Variants in TENM2 observed in about 807,000 individuals in gnomAD.
The protein encoded by TENM2 is teneurin transmembrane protein 2, also known as teneurin-2.
In TENM2, 52 loss-of-function variants were observed where a neutral mutation model predicts 245.2. That is an observed-to-expected ratio of 0.21 (90% CI 0.17 to 0.27). TENM2 has a LOEUF of 0.27. TENM2 is among the 10% of genes least tolerant of loss of function. The pLI is 1.00. For synonymous variants in TENM2, 1,363 were observed against 1,438.9 expected (o/e 0.95, Z 1.19); for missense variants, 3,046 against 3,666.8 (o/e 0.83, Z 4.37).
At chr5:167,347,160 G>A (rs1758513225) in intron 1 of TENM2, among the ~76,000 whole-genome samples, 1 of 151,840 alleles carries the variant, frequency 6.6e-6, no homozygotes, top group African/African-American at 2.4e-5. Flanking sequence ...AAAAACCTGT[G>A]TATAAAAAGA....
chr5:167,762,670 AT>A (rs1371995000), intron 2 of TENM2, among the ~76,000 whole-genome samples: 1 of 152,232 alleles, frequency 6.6e-6, no homozygotes, highest in Non-Finnish European at 1.5e-5. Flanking sequence ...TCTTTTACAG[AT>A]TTACCACCAC....
At chr5:167,313,144 G>A (rs1365482719) in intron 1 of TENM2, among the ~76,000 whole-genome samples, 2 of 151,946 alleles carry the variant, frequency 1.3e-5, no homozygotes, top group Non-Finnish European at 2.9e-5. Flanking sequence ...CTCAAGTGAT[G>A]CATCCTCCTT....
rs1775223825 is a variant in TENM2 at position 167,583,282 on chromosome 5, A to AATC, written c.502+207810_502+207812dup. The stretch of plus-strand genomic sequence containing the variant: ...ATTAATATCGCTCACACTTGGAACT[A>AATC]ATCTATCAATAAGCTATTCCCATAT... On this transcript the variant is annotated intron_variant, in intron 2 of 28. Coordinates refer to ENST00000518659, the Ensembl canonical transcript of TENM2. Among the ~76,000 whole-genome samples the AATC allele has an allele frequency of 2.6e-5, 4 of 152,286 alleles. No individual in the cohort carries two copies. In the South Asian group the frequency reaches 8.3e-4, roughly 32 times the overall value.
intron 13 of TENM2, among the ~76,000 whole-genome samples, chr5:168,183,127 G>C (rs1479641755): frequency 6.6e-6 from 1 of 152,110 alleles, no homozygotes; most frequent in Non-Finnish European, 1.5e-5. Context: ...ACCGCCCCCG[G>C]CCCAGGGTAC....
chr5:168,176,848 C>A (rs533680580), intron 13 of TENM2, among the ~76,000 whole-genome samples: 1 of 152,198 alleles, frequency 6.6e-6, no homozygotes, highest in Non-Finnish European at 1.5e-5. Flanking sequence ...AACATGCATA[C>A]AGTGACACCC....
chr5:167,331,606 G>T (rs1430908069), intron 1 of TENM2, among the ~76,000 whole-genome samples: 1 of 152,188 alleles, frequency 6.6e-6, no homozygotes, highest in Non-Finnish European at 1.5e-5. Flanking sequence ...CGCGAAGAAG[G>T]AAGATGGAGA....
intron 2 of TENM2, among the ~76,000 whole-genome samples, chr5:167,446,111 T>TCCC: frequency 6.6e-6 from 1 of 152,160 alleles, no homozygotes; most frequent in South Asian, 2.1e-4. Flanking sequence ...TGTTGGCAAA[T>TCCC]ATATTAAATA....
chr5:167,978,466 G>T (rs538886635), intron 4 of TENM2, among the ~76,000 whole-genome samples: 1 of 152,302 alleles, frequency 6.6e-6, no homozygotes, highest in East Asian at 1.9e-4. Flanking sequence ...GCTGATACAT[G>T]CTACAATGGG....
chr5:167,567,046 T>C (rs1208575203), intron 2 of TENM2, among the ~76,000 whole-genome samples: 3 of 105,426 alleles, frequency 2.8e-5, no homozygotes, highest in African/African-American at 8.2e-5. Context: ...TCTGATATAA[T>C]TATAATAAGC....
chr5:168,030,293 G>C (rs1259786831), intron 5 of TENM2, among the ~76,000 whole-genome samples: 1 of 151,532 alleles, frequency 6.6e-6, no homozygotes, highest in East Asian at 1.9e-4. Flanking sequence ...GACCTGGAGG[G>C]AGATGTCTGG....
rs187849740 is a variant in TENM2 at position 167,876,005 on chromosome 5, A to G, written c.522A>G (p.Thr174=). The G allele has an allele frequency of 6.4e-6, 10 of 1,550,898 alleles. No individual in the cohort carries two copies. The East Asian group carries it at 2.0e-4, about 30-fold the overall frequency. The change falls in exon 3 of 29, where the codon ACA becomes ACG. Residue 174 remains threonine (T), a synonymous_variant. Coordinates refer to ENST00000518659, the Ensembl canonical transcript of TENM2. ...TCCCAGGTCGTCCCATTCCACCTAC[A>G]TCCTCGCCTAGTCTCCTCCCATCTG... is the stretch of plus-strand genomic sequence containing the variant.
intron 2 of TENM2, among the ~76,000 whole-genome samples, chr5:167,804,791 C>G (rs753675636): frequency 5.9e-5 from 9 of 151,962 alleles, no homozygotes; most frequent in Non-Finnish European, 1.2e-4. Context: ...GAGGTCTGCT[C>G]CTATTACTAG....
chr5:167,565,730 A>G (rs369499823), intron 2 of TENM2, among the ~76,000 whole-genome samples: 7 of 152,198 alleles, frequency 4.6e-5, no homozygotes, highest in Admixed American at 1.3e-4. Flanking sequence ...AGCTAATGCT[A>G]TGTGCTGAGA....
intron 3 of TENM2, among the ~76,000 whole-genome samples, chr5:167,904,283 A>G (rs946878745): frequency 1.3e-5 from 2 of 152,164 alleles, no homozygotes; most frequent in Non-Finnish European, 2.9e-5. Flanking sequence ...TCAGAGCTGC[A>G]TCCCCACCTG....
chr5:167,065,214 A>C, the TENM2 span, among the ~76,000 whole-genome samples: 5 of 152,212 alleles, frequency 3.3e-5, no homozygotes, highest in African/African-American at 1.2e-4. Flanking sequence ...AATATGATTA[A>C]AATACATTGT....
intron 2 of TENM2, among the ~76,000 whole-genome samples, chr5:167,379,462 T>A (rs1760962686): frequency 6.6e-6 from 1 of 152,154 alleles, no homozygotes; most frequent in South Asian, 2.1e-4. Flanking sequence ...TAAGGTGAGT[T>A]ACTTAAATTT....
intron 4 of TENM2, among the ~76,000 whole-genome samples, chr5:167,980,339 C>T (rs1782741883): frequency 1.3e-5 from 2 of 152,152 alleles, no homozygotes; most frequent in South Asian, 2.1e-4. Context: ...ATGGGAAAGG[C>T]TGATCAAGAA....
intron 2 of TENM2, among the ~76,000 whole-genome samples, chr5:167,746,517 CAT>C (rs1205743081): frequency 5.9e-5 from 9 of 152,162 alleles, no homozygotes; most frequent in Non-Finnish European, 1.0e-4. Flanking sequence ...TGACCAGCCT[CAT>C]ACACACATGT....
intron 2 of TENM2, among the ~76,000 whole-genome samples, chr5:167,847,651 A>G (rs1203240830): frequency 2.0e-5 from 3 of 152,346 alleles, no homozygotes; most frequent in East Asian, 3.9e-4. Context: ...TTGCCCATTT[A>G]CTTCTGAACA....
Sources: allele counts gnomAD v4.1 joint callset (sites outside exome capture counted in the v4.1 genomes callset), GRCh38; gene constraint gnomAD v4.1.1; transcripts MANE v1.5; gene names NCBI Gene and HGNC (gene_info 2026-07-23, HGNC 2026-07-21).